The following RAD51D variants were observed in gnomAD, a reference collection of about 807,000 sequenced individuals.
RAD51D encodes the protein DNA repair protein RAD51 homolog 4.
A neutral mutation model predicts 44.1 loss-of-function variants in RAD51D; 38 were observed. That is an observed-to-expected ratio of 0.86 (90% CI 0.67 to 1.13). The LOEUF is 1.13. Ranked by LOEUF, RAD51D falls within the 50% of genes most tolerant of loss-of-function variation. The pLI is 0.00. For synonymous variants in RAD51D, 141 were observed against 166.6 expected, an observed-to-expected ratio of 0.85 and a Z score of 1.18; for missense variants, 390 against 414.0, an observed-to-expected ratio of 0.94 and a Z score of 0.50.
Position 35,100,614 on chromosome 17 carries a change from T to C in RAD51D, c.*339A>G. 1 of 555,912 alleles carries C rather than the reference T, an allele frequency of 1.8e-6. No individual in the cohort carries two copies. Among genetic ancestry groups the C allele is most frequent in the African/African-American group, 1.8e-5 (1 of 54,164 alleles). The allele number at this position is 555,912 out of a possible 1,614,324, so 34.4% of individuals were successfully genotyped here. A position where few individuals can be genotyped will look rare whatever the true frequency, so the allele number is the denominator to read the frequency against. ...TAGGAGGGAGCACAGGACACAATGG[T>C]GATGCACAGGATTATCCATCCAGTC... On this transcript the variant is annotated 3_prime_UTR_variant, in exon 10 of 10. Transcript: ENST00000345365.
Position 35,093,385 on chromosome 17 carries a change from G to A in RAD51D, c.*7568C>T, listed in dbSNP as rs2091467958. On this transcript the variant is annotated 3_prime_UTR_variant, in exon 10 of 10. Transcript: ENST00000345365. ...GTATCTTTGTCAGCACAGGCCCATT[G>A]TTTTCCTACAAAACTCAAACTTAAG... The A allele has an allele frequency of 6.6e-6, 1 of 152,134 alleles. No homozygotes were observed. Among genetic ancestry groups the A allele is most frequent in the Admixed American group, 6.6e-5 (1 of 15,260 alleles). 9.4% of individuals were successfully genotyped at this position (152,134 alleles called of 1,614,324 possible).
chr17:35,102,803 T>TA (rs1324552582), intron 8 of RAD51D, among the ~76,000 whole-genome samples: 3 of 152,068 alleles, frequency 2.0e-5, no homozygotes, highest in African/African-American at 4.8e-5. Flanking sequence ...ATGCAGACTT[T>TA]AAAAAAACTA....
In RAD51D at chr17:35,107,359, C is replaced by T. The variant is rs1187944465; in HGVS notation, c.345+7G>A. The T allele has an allele frequency of 6.5e-7, 1 of 1,541,148 alleles. No homozygotes were observed. The highest frequency in any genetic ancestry group is 1.1e-5 in the South Asian group (1 of 89,536). ...TAAATCCTCCTGACTGCTGGCCTCA[C>T]ATGTACCTGAGTTTTGCCGCTACCT... On this transcript the variant is annotated splice_region_variant and intron_variant, in intron 4 of 9. Coordinates refer to ENST00000345365, the MANE Select transcript of RAD51D (RefSeq NM_002878.4).
At chr17:35,116,340 G>A (rs1260471934) in intron 3 of RAD51D, among the ~76,000 whole-genome samples, 1 of 152,198 alleles carries the variant, frequency 6.6e-6, no homozygotes, top group African/African-American at 2.4e-5. Flanking sequence ...CCGGGCAGAT[G>A]AGTTAAGAGC....
At chr17:35,101,459 G>T in intron 8 of RAD51D, 94 bp from the exon 9 acceptor site, 1 of 1,385,690 alleles carries the variant, frequency 7.2e-7, no homozygotes, top group Non-Finnish European at 1.0e-6. Context: ...CAGAGGCCTA[G>T]CACAGAGAAA....
intron 3 of RAD51D, among the ~76,000 whole-genome samples, chr17:35,109,352 A>G (rs1176609139): frequency 6.6e-6 from 1 of 152,220 alleles, no homozygotes; most frequent in African/African-American, 2.4e-5. Context: ...TATAAATAAA[A>G]CTGCTATAAG....
At chr17:35,110,133 G>A (rs926675367) in intron 3 of RAD51D, among the ~76,000 whole-genome samples, 1 of 151,934 alleles carries the variant, frequency 6.6e-6, no homozygotes, top group African/African-American at 2.4e-5. Context: ...ACCACACCCA[G>A]CTAATTTTTG....
chr17:35,101,921 T>G (rs2091543157), intron 8 of RAD51D, among the ~76,000 whole-genome samples: 1 of 152,176 alleles, frequency 6.6e-6, no homozygotes, highest in African/African-American at 2.4e-5. Context: ...TTATTTTTAA[T>G]GGGTACAGAG....
chr17:35,116,039 G>A (rs1051152739), intron 3 of RAD51D, among the ~76,000 whole-genome samples: 1 of 140,940 alleles, frequency 7.1e-6, no homozygotes, highest in African/African-American at 2.6e-5. Flanking sequence ...AGTCAGCTTT[G>A]ATTCTTCACA....
rs2142420107 is a variant in RAD51D at position 35,103,448 on chromosome 17, A to C, written c.667+6T>G. On this transcript the variant is annotated splice_donor_region_variant and intron_variant, in intron 7 of 9. Coordinates refer to ENST00000345365, the MANE Select transcript of RAD51D (RefSeq NM_002878.4). The surrounding 1 kb of genome is among the most constrained non-coding windows in gnomAD (Gnocchi z 4.1). ...CACTGGCCCCAGGCTCTGCCACATC[A>C]CTCACCTTCCCTCTGCTGACCTCCC... The C allele has an allele frequency of 6.2e-7, 1 of 1,613,722 alleles. No individual in the cohort carries two copies. Among genetic ancestry groups the C allele is most frequent in the Non-Finnish European group, 8.5e-7 (1 of 1,179,818 alleles).
At chr17:35,115,089 T>G (rs893962211) in intron 3 of RAD51D, among the ~76,000 whole-genome samples, 5 of 152,156 alleles carry the variant, frequency 3.3e-5, no homozygotes, top group African/African-American at 1.2e-4. Context: ...CCTACCAATA[T>G]GTCCCCATCA....
rs936656 is a variant in RAD51D, at chr17:35,106,801, A to G, written c.480+187T>C. Among the ~76,000 whole-genome samples the G allele has an allele frequency of 0.51, 77,601 of 152,006 alleles. 20,042 individuals carry two copies. The highest frequency in any genetic ancestry group is 0.62 in the South Asian group (2,984 of 4,820). ...GTTGGGAGGGTTTCCTGGAAGAATC[A>G]GTGTGAGTAGCATCCCAAATGGGAT... On this transcript the variant is annotated intron_variant, in intron 5 of 9. Coordinates refer to ENST00000345365, the MANE Select transcript of RAD51D (RefSeq NM_002878.4).
intron 3 of RAD51D, among the ~76,000 whole-genome samples, chr17:35,110,032 T>C (rs969364262): frequency 2.7e-5 from 4 of 148,376 alleles, no homozygotes; most frequent in African/African-American, 1.0e-4. Context: ...TTCAGTGGCA[T>C]GGTCACAGCT....
At chr17:35,102,107 A>T (rs1269783791) in intron 8 of RAD51D, among the ~76,000 whole-genome samples, 1 of 152,182 alleles carries the variant, frequency 6.6e-6, no homozygotes, top group East Asian at 1.9e-4. Context: ...TAGCTGCTAA[A>T]AATTACATTT....
intron 3 of RAD51D, among the ~76,000 whole-genome samples, chr17:35,111,625 G>T (rs1021764801): frequency 6.6e-6 from 1 of 152,012 alleles, no homozygotes; most frequent in African/African-American, 2.4e-5. Context: ...TATCTATTCT[G>T]TTCCACTGAT....
At chr17:35,102,311 T>A (rs1440253820) in intron 8 of RAD51D, among the ~76,000 whole-genome samples, 1 of 151,848 alleles carries the variant, frequency 6.6e-6, no homozygotes, top group East Asian at 1.9e-4. Flanking sequence ...CACCTAGTTT[T>A]TGTATTTTTT....
chr17:35,114,996 A>G (rs993029413), intron 3 of RAD51D, among the ~76,000 whole-genome samples: 10 of 152,192 alleles, frequency 6.6e-5, no homozygotes, highest in African/African-American at 9.6e-5. Context: ...ATCAGTCTGT[A>G]TAAGGTATTC....
chr17:35,119,540 A>G lies in RAD51D; in HGVS notation c.74T>C (p.Ile25Thr). 1 of 1,612,100 alleles carries G rather than the reference A, an allele frequency of 6.2e-7. No individual in the cohort carries two copies. Among genetic ancestry groups the G allele is most frequent in the Non-Finnish European group, 8.5e-7 (1 of 1,179,870 alleles). Reference protein sequence around the residue: ...EMIQLLRSHRIKTVVDLVSAD... With the variant: ...EMIQLLRSHRTKTVVDLVSAD... Reference sequence around the variant, plus strand: ...CGCGCACACCCGGTCACCTGTCTTGATCCTGTGGCTCCTGAGAAGCTGGAT... The same window carrying G: ...CGCGCACACCCGGTCACCTGTCTTGGTCCTGTGGCTCCTGAGAAGCTGGAT... The change falls in exon 1 of 10, where the codon ATC becomes ACC. Residue 25 changes from isoleucine (I) to threonine (T), a missense_variant. Physicochemically the swap from Ile to Thr is moderately conservative, Grantham distance 89 (BLOSUM62 -1). Coordinates refer to ENST00000345365, the MANE Select transcript of RAD51D (RefSeq NM_002878.4).
chr17:35,103,105 T>G lies in RAD51D; in HGVS notation c.738+149A>C, dbSNP rs2091558186. 5.5e-6 allele frequency: 4 copies of G among 728,786 alleles called. No homozygotes were observed. The African/African-American group carries it at 7.1e-5, about 13-fold the overall frequency. The allele number at this position is 728,786 out of a possible 1,614,324, so 45.1% of individuals were successfully genotyped here. A position where few individuals can be genotyped will look rare whatever the true frequency, so the allele number is the denominator to read the frequency against. On this transcript the variant is annotated intron_variant, in intron 8 of 9. Coordinates refer to ENST00000345365, the MANE Select transcript of RAD51D (RefSeq NM_002878.4). The surrounding 1 kb of genome is among the most constrained non-coding windows in gnomAD (Gnocchi z 4.1). Reference sequence around the variant, plus strand: ...ACGATTCCTGATTCCCTTAGCTATTTATGGTGCAAAGCTGTAGCTGACCCA... The same window carrying G: ...ACGATTCCTGATTCCCTTAGCTATTGATGGTGCAAAGCTGTAGCTGACCCA...
Sources: gnomAD v4.1 joint callset for allele counts (sites outside exome capture counted in the v4.1 genomes callset) on GRCh38, gnomAD v4.1.1 for gene constraint, Gnocchi (gnomAD v3.1) non-coding constraint, MANE v1.5 for transcripts, NCBI Gene and HGNC (gene_info 2026-07-23, HGNC 2026-07-21) for gene names.